The following TLL2 variants were observed in gnomAD, a reference collection of about 807,000 sequenced individuals.
TLL2 encodes tolloid-like protein 2.
TLL2 carries 106 observed loss-of-function variants against 123.0 expected under a neutral mutation model. That is an observed-to-expected ratio of 0.86 (90% CI 0.74 to 1.01). TLL2 has a LOEUF of 1.01. TLL2 is among the 50% of genes least tolerant of loss of function. The pLI, the probability that TLL2 is intolerant of heterozygous loss-of-function variation, is 0.00. For synonymous variants in TLL2, 494 were observed against 516.8 expected (o/e 0.96, Z 0.60); for missense variants, 1,332 against 1,336.7 (o/e 1.00, Z 0.06).
At chr10:96,509,030 G>A (rs1847601421) in intron 1 of TLL2, among the ~76,000 whole-genome samples, 1 of 152,076 alleles carries the variant, frequency 6.6e-6, no homozygotes, top group Non-Finnish European at 1.5e-5. Flanking sequence ...CTTGCACTTA[G>A]AATCCAGCTG....
intron 2 of TLL2, among the ~76,000 whole-genome samples, chr10:96,448,379 T>A (rs1354048238): frequency 6.6e-6 from 1 of 152,192 alleles, no homozygotes; most frequent in Non-Finnish European, 1.5e-5. Flanking sequence ...GGAGGCGAGC[T>A]GGAGCCGACG....
intron 2 of TLL2, among the ~76,000 whole-genome samples, chr10:96,460,898 A>C (rs2134094468): frequency 6.6e-6 from 1 of 152,274 alleles, no homozygotes; most frequent in South Asian, 2.1e-4. Flanking sequence ...ATGAACCAGG[A>C]AGCAGGCGCT....
intron 18 of TLL2, chr10:96,374,042 G>A (rs1311824796): frequency 1.5e-5 from 8 of 536,912 alleles, no homozygotes; most frequent in Non-Finnish European, 2.7e-5. Flanking sequence ...ATGAGCTATT[G>A]CTACAATGAC....
intron 10 of TLL2, among the ~76,000 whole-genome samples, 184 bp from the exon 11 acceptor site, chr10:96,397,486 G>A (rs1242475781): frequency 1.3e-5 from 2 of 152,154 alleles, no homozygotes; most frequent in African/African-American, 2.4e-5. Context: ...ACACAATAAT[G>A]TGTGACTTAA....
At chr10:96,369,891 C>A (rs762524140) in intron 20 of TLL2, among the ~76,000 whole-genome samples, 174 bp downstream of exon 20, 16 of 152,162 alleles carry the variant, frequency 1.1e-4, no homozygotes, top group Non-Finnish European at 1.8e-4. Context: ...TGCCTCCCAA[C>A]CTCCTCTCCT....
At chr10:96,377,870 C>T (rs188781687) in intron 17 of TLL2, among the ~76,000 whole-genome samples, 7 of 152,332 alleles carry the variant, frequency 4.6e-5, no homozygotes, top group Non-Finnish European at 8.8e-5. Context: ...GCTCTGACAC[C>T]CCCTGCTGTT....
At chr10:96,377,231 C>T (rs1276750897) in intron 17 of TLL2, among the ~76,000 whole-genome samples, 4 of 152,206 alleles carry the variant, frequency 2.6e-5, no homozygotes, top group Non-Finnish European at 5.9e-5. Context: ...GATATGTGAT[C>T]GAATGAGATA....
chr10:96,425,679 C>T (rs192268591), intron 5 of TLL2, among the ~76,000 whole-genome samples: 38 of 151,880 alleles, frequency 2.5e-4, no homozygotes, highest in Non-Finnish European at 4.6e-4. Flanking sequence ...GTCACCTATT[C>T]TTGTTAATTA....
intron 18 of TLL2, among the ~76,000 whole-genome samples, chr10:96,375,862 C>A (rs1170955391): frequency 6.6e-6 from 1 of 152,182 alleles, no homozygotes; most frequent in African/African-American, 2.4e-5. Flanking sequence ...CTTACCTCTA[C>A]AGTCAGAAAA....
At chr10:96,405,839 C>T (rs774604450) in intron 9 of TLL2, among the ~76,000 whole-genome samples, 10 of 152,182 alleles carry the variant, frequency 6.6e-5, no homozygotes, top group Non-Finnish European at 1.3e-4. Flanking sequence ...TACAGTTAGT[C>T]CATTCTTTCA....
chr10:96,461,395 G>C (rs1269265282), intron 2 of TLL2, among the ~76,000 whole-genome samples: 1 of 152,160 alleles, frequency 6.6e-6, no homozygotes, highest in African/African-American at 2.4e-5. Context: ...GGCAGGAGGG[G>C]AGTGGCAAAG....
chr10:96,503,925 C>G (rs1266466731), intron 1 of TLL2, among the ~76,000 whole-genome samples: 1 of 152,284 alleles, frequency 6.6e-6, no homozygotes, highest in Middle Eastern at 3.4e-3. Context: ...GGGGTGGAGG[C>G]AGCCAGGCAA....
intron 1 of TLL2, among the ~76,000 whole-genome samples, chr10:96,506,203 G>T (rs1434997551): frequency 7.6e-6 from 1 of 131,952 alleles, no homozygotes. Flanking sequence ...AGCGAGCTGA[G>T]ATCGTGCCAC....
At position 96,410,483 on chromosome 10, in the gene TLL2, G is replaced by A. The variant is rs1846490696; in HGVS notation, c.1049-9C>T. On this transcript the variant is annotated splice_polypyrimidine_tract_variant and intron_variant, in intron 8 of 20. Coordinates refer to ENST00000357947, the MANE Select transcript of TLL2 (RefSeq NM_012465.4). ...CAGGGTCTCCCCACACGCTGCACAA[G>A]CAAAATCACAACTGTGATGTGGCAT... 1 of 1,610,634 alleles carries A rather than the reference G, an allele frequency of 6.2e-7. No individual in the cohort carries two copies.
chr10:96,439,417 A>G (rs983392354), intron 3 of TLL2, among the ~76,000 whole-genome samples: 1 of 151,938 alleles, frequency 6.6e-6, no homozygotes, highest in Non-Finnish European at 1.5e-5. Flanking sequence ...CTCCTGCTCT[A>G]AAACTTGCCT....
At chr10:96,424,681 A>T (rs1846660855) in intron 5 of TLL2, among the ~76,000 whole-genome samples, 1 of 151,780 alleles carries the variant, frequency 6.6e-6, no homozygotes, top group Non-Finnish European at 1.5e-5. Flanking sequence ...ATATTTAAGA[A>T]CCCTTTGTAA....
intron 13 of TLL2, among the ~76,000 whole-genome samples, chr10:96,389,739 T>G (rs769103524): frequency 2.8e-4 from 42 of 152,140 alleles, no homozygotes; most frequent in Non-Finnish European, 5.6e-4. Flanking sequence ...GAGGAGCAAG[T>G]CTCTTGGCAC....
At chr10:96,403,632 T>C (rs919230009) in intron 10 of TLL2, among the ~76,000 whole-genome samples, 1 of 152,188 alleles carries the variant, frequency 6.6e-6, no homozygotes, top group Non-Finnish European at 1.5e-5. Flanking sequence ...TGTGATAGTC[T>C]GAAATATGGC....
intron 13 of TLL2, among the ~76,000 whole-genome samples, chr10:96,388,270 G>A (rs1338269357): frequency 6.6e-6 from 1 of 152,114 alleles, no homozygotes; most frequent in Non-Finnish European, 1.5e-5. Context: ...GAGTGGTGGT[G>A]CATGCCTGTA....
Sources: allele counts gnomAD v4.1 joint callset (sites outside exome capture counted in the v4.1 genomes callset), GRCh38; gene constraint gnomAD v4.1.1; transcripts MANE v1.5; gene names NCBI Gene and HGNC (gene_info 2026-07-23, HGNC 2026-07-21).